ADAMTS17: variants seen among roughly 807,000 people sequenced by gnomAD.
The protein encoded by ADAMTS17 is A disintegrin and metalloproteinase with thrombospondin motifs 17.
Under a neutral mutation model 141.5 loss-of-function variants are expected in ADAMTS17, and 113 were observed. That is an observed-to-expected ratio of 0.80 (90% CI 0.69 to 0.93). The LOEUF (loss-of-function observed/expected upper bound fraction) is 0.93. ADAMTS17 is among the 40% of genes least tolerant of loss of function. The probability of loss-of-function intolerance (pLI) is 0.00; values close to 1 mark genes in which losing one functional copy is unlikely to be tolerated. For missense variants in ADAMTS17, 1,659 were observed against 1,517.9 expected, an observed-to-expected ratio of 1.09 and a Z score of -1.54; for synonymous variants, 768 against 630.6, an observed-to-expected ratio of 1.22 and a Z score of -3.27.
chr15:100,011,295 AG>A (rs2061165258), intron 18 of ADAMTS17, among the ~76,000 whole-genome samples: 1 of 3,852 alleles, frequency 2.6e-4, no homozygotes, highest in African/African-American at 1.3e-3. Context: ...GTAAAGGAGG[AG>A]GGAGGGGAGG....
In ADAMTS17 at chr15:100,341,812, G is replaced by A. The variant is rs2142000660; in HGVS notation, c.79+9C>T. The A allele has an allele frequency of 1.3e-6, 2 of 1,550,438 alleles. No homozygotes were observed. The highest frequency in any genetic ancestry group is 1.2e-5 in the South Asian group (1 of 84,066). Reference sequence around the variant, plus strand: ...GCGGGGTGAAGAGGGCTGTGGGAGGGGGCGCTACCTGTGCCCGGGTCCAGT... The same window carrying A: ...GCGGGGTGAAGAGGGCTGTGGGAGGAGGCGCTACCTGTGCCCGGGTCCAGT... On this transcript the variant is annotated intron_variant, in intron 1 of 21. Transcript: ENST00000268070.
intron 8 of ADAMTS17, among the ~76,000 whole-genome samples, chr15:100,157,815 T>C (rs2039504965): frequency 6.6e-6 from 1 of 151,942 alleles, no homozygotes; most frequent in African/African-American, 2.4e-5. Flanking sequence ...CAGGTATCTA[T>C]CCAATTAGGG....
rs369577628 is a variant in ADAMTS17 at position 100,066,103 on chromosome 15, A to AT, written c.2138-12050dup. Reference sequence around the variant, plus strand: ...GTATTCCATGGTGTACATGTGCCACATTTTCTTTATCCAGTCTATCATTGA... The same window carrying AT: ...GTATTCCATGGTGTACATGTGCCACATTTTTCTTTATCCAGTCTATCATTGA... On this transcript the variant is annotated intron_variant, in intron 15 of 21. Transcript: ENST00000268070. 2.3e-3 allele frequency among the ~76,000 whole-genome samples: 355 copies of AT among 152,180 alleles called. 2 individuals are homozygous for AT. The highest frequency in any genetic ancestry group is 8.2e-3 in the African/African-American group (339 of 41,526).
chr15:100,008,312 ATTTCT>A (rs2061078962), intron 18 of ADAMTS17, among the ~76,000 whole-genome samples: 1 of 152,010 alleles, frequency 6.6e-6, no homozygotes, highest in Non-Finnish European at 1.5e-5. Context: ...GGACAAGGGG[ATTTCT>A]GTGGCCAGGG....
At chr15:100,056,686 T>A (rs2032600249) in intron 15 of ADAMTS17, among the ~76,000 whole-genome samples, 1 of 152,102 alleles carries the variant, frequency 6.6e-6, no homozygotes, top group Non-Finnish European at 1.5e-5. Flanking sequence ...GACCATGGAC[T>A]ACTGCTGGTC....
At chr15:100,086,195 T>A (rs2035089858) in intron 15 of ADAMTS17, among the ~76,000 whole-genome samples, 1 of 152,050 alleles carries the variant, frequency 6.6e-6, no homozygotes, top group Admixed American at 6.5e-5. Flanking sequence ...GAGGTTGCAA[T>A]CCTAGTCTCT....
At chr15:100,092,509 G>C (rs2035530519) in intron 15 of ADAMTS17, among the ~76,000 whole-genome samples, 1 of 152,190 alleles carries the variant, frequency 6.6e-6, no homozygotes, top group South Asian at 2.1e-4. Flanking sequence ...CTGAGAAAAA[G>C]AAATACGTTG....
intron 18 of ADAMTS17, among the ~76,000 whole-genome samples, chr15:100,030,018 G>A (rs540929817): frequency 1.3e-5 from 2 of 152,300 alleles, no homozygotes; most frequent in East Asian, 3.9e-4. Context: ...TAGACATATT[G>A]GGAAAATAAT....
chr15:100,110,207 GTA>G (rs1370678338), intron 13 of ADAMTS17, among the ~76,000 whole-genome samples: 1 of 141,312 alleles, frequency 7.1e-6, no homozygotes, highest in Non-Finnish European at 1.5e-5. Flanking sequence ...ATATATATCA[GTA>G]TATATATATT....
At chr15:100,205,836 A>G (rs1303208618) in intron 7 of ADAMTS17, among the ~76,000 whole-genome samples, 1 of 152,206 alleles carries the variant, frequency 6.6e-6, no homozygotes, top group Non-Finnish European at 1.5e-5. Context: ...GTGAGCAGGG[A>G]TGTTCCAAGC....
rs2060274715 is a variant in ADAMTS17, at chr15:99,974,369, G to A, written c.*33C>T. The A allele has an allele frequency of 1.9e-6, 3 of 1,613,598 alleles. No individual in the cohort carries two copies. In the South Asian group the frequency reaches 3.3e-5, roughly 18 times the overall value. ...GCGGGTGGGTGGGTTTCAGACCTGA[G>A]TCTGAGCTTTGAGCGACCCTTGGGA... On this transcript the variant is annotated 3_prime_UTR_variant, in exon 22 of 22. Coordinates refer to ENST00000268070, the MANE Select transcript of ADAMTS17 (RefSeq NM_139057.4).
At chr15:99,999,997 A>G (rs981772786) in intron 18 of ADAMTS17, among the ~76,000 whole-genome samples, 1 of 152,168 alleles carries the variant, frequency 6.6e-6, no homozygotes, top group African/African-American at 2.4e-5. Context: ...CATGGCTCGC[A>G]TGGCAGGGAT....
In ADAMTS17 at chr15:100,242,176, G is replaced by A. The variant is rs538719933; in HGVS notation, c.1075+11960C>T. ...CAGTTCTGACTCCGGAGGGTCACTC[G>A]CATCCTGCCCTTGTGGTTAATTCCA... On this transcript the variant is annotated intron_variant, in intron 7 of 21. Transcript: ENST00000268070. Among the ~76,000 whole-genome samples, 8 of 152,166 alleles carry A rather than the reference G, an allele frequency of 5.3e-5. No homozygotes were observed. The South Asian group carries it at 8.3e-4, about 16-fold the overall frequency.
chr15:100,145,138 C>T (rs977760174), intron 10 of ADAMTS17, among the ~76,000 whole-genome samples: 3 of 152,162 alleles, frequency 2.0e-5, no homozygotes, highest in East Asian at 1.9e-4. Context: ...CATACACACA[C>T]ATCCCCCAAA....
At chr15:100,030,935 C>G (rs1010275622) in intron 18 of ADAMTS17, among the ~76,000 whole-genome samples, 1 of 152,170 alleles carries the variant, frequency 6.6e-6, no homozygotes, top group African/African-American at 2.4e-5. Flanking sequence ...TGTTGGGGTC[C>G]AACAGCTGGC....
chr15:100,142,917 G>A (rs1413682251), intron 10 of ADAMTS17, among the ~76,000 whole-genome samples: 1 of 152,158 alleles, frequency 6.6e-6, no homozygotes, highest in Non-Finnish European at 1.5e-5. Flanking sequence ...GCACACCTCG[G>A]GTCCTTGTGA....
rs2141246508 is a variant in ADAMTS17, at chr15:99,972,181, G to GCGGAGCTTT, written c.*2212_*2220dup. ...CAGAAGAATGGCCTGAACCCGGGAG[G>GCGGAGCTTT]CGGAGCTTTCAATGAGCTGAGATCG... On this transcript the variant is annotated 3_prime_UTR_variant, in exon 22 of 22. Transcript: ENST00000268070. 1 of 152,340 alleles carries GCGGAGCTTT rather than the reference G, an allele frequency of 6.6e-6. No homozygotes were observed. The highest frequency in any genetic ancestry group is 6.5e-5 in the Admixed American group (1 of 15,298). 9.4% of individuals were successfully genotyped at this position (152,340 alleles called of 1,614,324 possible).
rs972916449 is a variant in ADAMTS17 at position 100,341,232 on chromosome 15, G to A, written c.257C>T (p.Pro86Leu). The A allele has an allele frequency of 6.3e-6, 9 of 1,429,574 alleles. No individual in the cohort carries two copies. The highest frequency in any genetic ancestry group is 1.5e-5 in the African/African-American group (1 of 66,894). The allele number at this position is 1,429,574 out of a possible 1,614,324, so 88.6% of individuals were successfully genotyped here. Reference protein sequence around the residue: ...PGERALLLHLPAFGRDLYLQL... With the variant: ...PGERALLLHLLAFGRDLYLQL... Reference sequence around the variant, plus strand: ...AAGGTACAGGTCGCGCCCGAAGGCCGGCAGGTGCAGCAGCAGGGCGCGCTC... The same window carrying A: ...AAGGTACAGGTCGCGCCCGAAGGCCAGCAGGTGCAGCAGCAGGGCGCGCTC... Residue 86 changes from proline to leucine, a missense_variant, in exon 2 of 22, where the codon CCG (proline) becomes CTG (leucine). By Grantham distance (98) the Pro-to-Leu change is moderately conservative. Transcript: ENST00000268070.
At chr15:100,161,281 ACCTCTGC>A (rs2039682226) in intron 8 of ADAMTS17, among the ~76,000 whole-genome samples, 1 of 152,030 alleles carries the variant, frequency 6.6e-6, no homozygotes, top group African/African-American at 2.4e-5. Context: ...TCTAGACGGA[ACCTCTGC>A]CACTCTGGAA....
Sources: gnomAD v4.1 joint callset for allele counts (sites outside exome capture counted in the v4.1 genomes callset) on GRCh38, gnomAD v4.1.1 for gene constraint, MANE v1.5 for transcripts, NCBI Gene and HGNC (gene_info 2026-07-23, HGNC 2026-07-21) for gene names.